Variants in CYP24A1 observed in about 807,000 individuals in gnomAD.
CYP24A1 encodes the protein 1,25-dihydroxyvitamin D(3) 24-hydroxylase, mitochondrial.
In CYP24A1, 68 loss-of-function variants were observed where a neutral mutation model predicts 62.4. The observed-to-expected ratio is 1.09, with a 90% confidence interval of 0.90 to 1.33. The LOEUF (loss-of-function observed/expected upper bound fraction) is 1.33, where lower values mean the gene tolerates loss of function less well. Ranked by LOEUF, CYP24A1 falls within the 40% of genes most tolerant of loss-of-function variation. CYP24A1 has a pLI of 0.00. For missense variants in CYP24A1, 787 were observed against 653.0 expected (o/e 1.21, Z -2.24); for synonymous variants, 267 against 253.0 (o/e 1.06, Z -0.52).
rs777947329 is a variant in CYP24A1, at chr20:54,159,075, G to A, written c.1039C>T (p.Gln347Ter). The change falls in exon 8 of 12, where the codon CAA becomes TAA. Residue 347 changes from glutamine (Q) to a stop codon, truncating the protein, a stop_gained. Transcript: ENST00000216862. LOFTEE classifies it high-confidence loss of function. ...TCCTTAAGAAGCTTTTGTTGCACTT[G>A]GGGATTACGGGATAAATTGTAGAGA... ...WILYNLSRNP[Q>*]VQQKLLKEIQ... 49 of 1,613,828 alleles carry A rather than the reference G, an allele frequency of 3.0e-5. No individual in the cohort carries two copies. Among genetic ancestry groups the A allele is most frequent in the Non-Finnish European group, 3.8e-5 (45 of 1,179,844 alleles).
chr20:54,158,106 C>T lies in CYP24A1; in HGVS notation c.1216G>A (p.Glu406Lys). The T allele has an allele frequency of 1.2e-6, 2 of 1,613,992 alleles. No homozygotes were observed. The highest frequency in any genetic ancestry group is 1.1e-5 in the South Asian group (1 of 91,080). The change falls in exon 9 of 12, where the codon GAA becomes AAA. Residue 406 changes from glutamate to lysine, a missense_variant. Transcript: ENST00000216862. Reference sequence around the variant, plus strand: ...CTTACTCCTTTGGGTAAAGCATATTCACCCAGAACTGTTGCCTTGTCAAGA... The same window carrying T: ...CTTACTCCTTTGGGTAAAGCATATTTACCCAGAACTGTTGCCTTGTCAAGA... ...RTLDKATVLG[E>K]YALPKGTVLM... is the part of the protein sequence containing the mutation.
downstream of CYP24A1, among the ~76,000 whole-genome samples, chr20:54,151,645 C>T (rs905317880): frequency 6.6e-6 from 1 of 152,008 alleles, no homozygotes; most frequent in African/African-American, 2.4e-5. Context: ...CTCCTGGGTT[C>T]AAGCAATTCT....
In CYP24A1 at chr20:54,162,220, C is replaced by CTTTT. The variant is rs530338632; in HGVS notation, c.990+493_990+496dup. ...ATTATTGGCTTGAAAGAGAGTATGC[C>CTTTT]TTTTTTTTTTTTTTTTTTTTTTTTT... On this transcript the variant is annotated intron_variant, in intron 7 of 11. Coordinates refer to ENST00000216862, the MANE Select transcript of CYP24A1 (RefSeq NM_000782.5). 1.7e-3 allele frequency among the ~76,000 whole-genome samples: 120 copies of CTTTT among 72,532 alleles called. 2 individuals carry two copies. The highest frequency in any genetic ancestry group is 5.0e-3 in the African/African-American group (80 of 15,870). The allele number at this position is 72,532 out of a possible 152,430, so 47.6% of individuals were successfully genotyped here. A position where few individuals can be genotyped will look rare whatever the true frequency, so the allele number is the denominator to read the frequency against.
At chr20:54,161,616 G>C (rs1246139775) in intron 7 of CYP24A1, among the ~76,000 whole-genome samples, 1 of 151,830 alleles carries the variant, frequency 6.6e-6, no homozygotes. Flanking sequence ...CTATGTCCTG[G>C]AAACACAGCA....
intron 5 of CYP24A1, among the ~76,000 whole-genome samples, chr20:54,164,925 G>A (rs775727918): frequency 6.6e-6 from 1 of 151,442 alleles, no homozygotes; most frequent in Non-Finnish European, 1.5e-5. Context: ...CAATTTCACA[G>A]CGTTTATCCT....
At position 54,173,380 on chromosome 20, in the gene CYP24A1, A is replaced by G. The variant is rs1475971376; in HGVS notation, c.200T>C (p.Leu67Pro). 1 of 1,596,524 alleles carries G rather than the reference A, an allele frequency of 6.3e-7. No individual in the cohort carries two copies. The highest frequency in any genetic ancestry group is 8.5e-7 in the Non-Finnish European group (1 of 1,170,262). The change falls in exon 1 of 12, where the codon CTG becomes CCG. Residue 67 changes from leucine to proline, a missense_variant. By Grantham distance (98) the Leu-to-Pro change is moderately conservative. Coordinates refer to ENST00000216862, the MANE Select transcript of CYP24A1 (RefSeq NM_000782.5). This position sits in a 1 kb window ranked among gnomAD's most constrained non-coding sequence, Gnocchi z 7.2. ...ALPGPTSWPL[L>P]GSLLQILWKG... ...CCAGAGAATCTGCAGCAGGCTGCCC[A>G]GCAGTGGCCAGCTGGTGGGGCCCGG...
chr20:54,163,696 G>C (rs561874277), intron 6 of CYP24A1, among the ~76,000 whole-genome samples: 49 of 152,376 alleles, frequency 3.2e-4, no homozygotes, highest in African/African-American at 1.2e-3. Context: ...CCTTCGTCAT[G>C]TGGCAGAAAT....
At chr20:54,167,423 T>C (rs909768484) in intron 4 of CYP24A1, among the ~76,000 whole-genome samples, 4 of 152,152 alleles carry the variant, frequency 2.6e-5, no homozygotes, top group African/African-American at 9.7e-5. Flanking sequence ...GGGAGCATCA[T>C]CTGAGGTCAG....
At chr20:54,160,171 C>T (rs1017238988) in intron 7 of CYP24A1, among the ~76,000 whole-genome samples, 1 of 152,224 alleles carries the variant, frequency 6.6e-6, no homozygotes, top group African/African-American at 2.4e-5. Flanking sequence ...AGGGTGCCAA[C>T]ACCAAAAATA....
At chr20:54,170,929 G>T (rs902875166) in intron 3 of CYP24A1, among the ~76,000 whole-genome samples, 17 of 152,066 alleles carry the variant, frequency 1.1e-4, no homozygotes, top group Non-Finnish European at 2.9e-5. Flanking sequence ...GCTGGCTAAG[G>T]GATAATGTCC....
chr20:54,168,052 ACTT>A (rs2092678690), intron 4 of CYP24A1, among the ~76,000 whole-genome samples: 1 of 152,026 alleles, frequency 6.6e-6, no homozygotes, highest in African/African-American at 2.4e-5. Flanking sequence ...GTCATTCCGC[ACTT>A]CTTCTGCAGG....
downstream of CYP24A1, among the ~76,000 whole-genome samples, chr20:54,148,696 T>A (rs1345625493): frequency 6.6e-6 from 1 of 152,114 alleles, no homozygotes; most frequent in Non-Finnish European, 1.5e-5. Context: ...TTAAAGAGGC[T>A]CCCATTAATC....
Position 54,172,935 on chromosome 20 carries a change from G to T in CYP24A1, c.423C>A (p.Arg141=). ...GGATCAGCAGCCCGTAGCCTTCTTT[G>T]CGGTAGTCGCGATAGGCCTTCCACG... ...IKPWKAYRDY[R]KEGYGLLILE... The change falls in exon 2 of 12, where the codon CGC becomes CGA. Residue 141 remains arginine, a synonymous_variant. Transcript: ENST00000216862. 1 of 1,613,788 alleles carries T rather than the reference G, an allele frequency of 6.2e-7. No homozygotes were observed.
downstream of CYP24A1, among the ~76,000 whole-genome samples, chr20:54,152,432 C>A (rs551453205): frequency 6.6e-6 from 1 of 152,230 alleles, no homozygotes; most frequent in Non-Finnish European, 1.5e-5. Context: ...GCTGTCCCCA[C>A]AGTCGCACAG....
Position 54,173,369 on chromosome 20 carries a change from G to T in CYP24A1, c.211C>A (p.Leu71Met). 6.2e-7 allele frequency: 1 copy of T among 1,602,604 alleles called. No homozygotes were observed. The highest frequency in any genetic ancestry group is 1.1e-5 in the South Asian group (1 of 89,262). ...PTSWPLLGSL[L>M]QILWKGGLKK... ...AGACCCCCTTTCCAGAGAATCTGCA[G>T]CAGGCTGCCCAGCAGTGGCCAGCTG... is the stretch of plus-strand genomic sequence containing the variant. Residue 71 changes from leucine (L) to methionine (M), a missense_variant, in exon 1 of 12, where the codon CTG becomes ATG. Leu to Met is a conservative substitution (Grantham distance 15). Transcript: ENST00000216862. The surrounding 1 kb of genome is among the most constrained non-coding windows in gnomAD (Gnocchi z 7.2).
At chr20:54,146,306 C>G in the CYP24A1 span, among the ~76,000 whole-genome samples, 7 of 152,126 alleles carry the variant, frequency 4.6e-5, no homozygotes. Context: ...TTCCGGCACC[C>G]TTGGCCTATT....
rs777867868 is a variant in CYP24A1, at chr20:54,164,581, G to A, written c.733-18C>T. ...CTCATCATCTGAGAGAAATGCAAAT[G>A]CCTTTTTATTCTGAATTCTCCTTCT... On this transcript the variant is annotated intron_variant, in intron 5 of 11. Coordinates refer to ENST00000216862, the MANE Select transcript of CYP24A1 (RefSeq NM_000782.5). The A allele has an allele frequency of 2.5e-6, 4 of 1,614,088 alleles. No individual in the cohort carries two copies. The Admixed American group carries it at 5.0e-5, about 20-fold the overall frequency.
Position 54,155,198 on chromosome 20 carries a change from A to C in CYP24A1, c.*11-437T>G, listed in dbSNP as rs183590847. 2.6e-4 allele frequency among the ~76,000 whole-genome samples: 39 copies of C among 152,240 alleles called. No homozygotes were observed. In the East Asian group the frequency reaches 7.3e-3, roughly 29 times the overall value. On this transcript the variant is annotated intron_variant, in intron 11 of 11. Transcript: ENST00000216862. Reference sequence around the variant, plus strand: ...ATGCTCAGAATTTGACAAATTTCATAATAGCATCAGACACTTGGTGGAGGA... The same window carrying C: ...ATGCTCAGAATTTGACAAATTTCATCATAGCATCAGACACTTGGTGGAGGA...
chr20:54,168,393 C>T (rs1222698776), intron 4 of CYP24A1, among the ~76,000 whole-genome samples: 1 of 152,078 alleles, frequency 6.6e-6, no homozygotes, highest in East Asian at 1.9e-4. Context: ...TGAGCTGTGC[C>T]CTGTTGGACA....
Sources: allele counts gnomAD v4.1 joint callset (sites outside exome capture counted in the v4.1 genomes callset), GRCh38; gene constraint gnomAD v4.1.1; non-coding constraint Gnocchi (gnomAD v3.1); transcripts MANE v1.5; gene names NCBI Gene and HGNC (gene_info 2026-07-23, HGNC 2026-07-21).